DEK: variants seen among roughly 807,000 people sequenced by gnomAD.
DEK encodes protein DEK.
In DEK, 28 loss-of-function variants were observed where a neutral mutation model predicts 46.8. The observed-to-expected ratio is 0.60, with a 90% CI of 0.44 to 0.82. The LOEUF (loss-of-function observed/expected upper bound fraction) is 0.82. DEK is among the 40% of genes least tolerant of loss of function. DEK has a pLI of 0.00. For missense variants in DEK, 416 were observed against 430.6 expected (o/e 0.97, Z 0.30); for synonymous variants, 160 against 144.5 (o/e 1.11, Z -0.77).
chr6:18,248,325 C>T (rs1030646869), intron 7 of DEK, among the ~76,000 whole-genome samples: 2 of 152,110 alleles, frequency 1.3e-5, no homozygotes, highest in East Asian at 1.9e-4. Flanking sequence ...GATAATGTTT[C>T]GTGCTTTAAC....
chr6:18,236,820 T>C (rs1228139753), intron 8 of DEK, among the ~76,000 whole-genome samples: 1 of 152,174 alleles, frequency 6.6e-6, no homozygotes, highest in Admixed American at 6.5e-5. Context: ...TAGGCATCCC[T>C]AATCCAAAAA....
intron 9 of DEK, among the ~76,000 whole-genome samples, chr6:18,232,498 T>C (rs913415144): frequency 6.6e-6 from 1 of 152,190 alleles, no homozygotes; most frequent in African/African-American, 2.4e-5. Context: ...CTTAAGCTGA[T>C]AAGCAACTTC....
At chr6:18,236,121 G>C (rs975369605) in intron 9 of DEK, among the ~76,000 whole-genome samples, 5 of 152,144 alleles carry the variant, frequency 3.3e-5, no homozygotes, top group African/African-American at 4.8e-5. Context: ...ATGAGATTCT[G>C]CTTCTTTAAA....
chr6:18,236,460 A>C lies in DEK; in HGVS notation c.1039T>G (p.Cys347Gly). ...AACATTTGTCTAATTACCTTTTTGC[A>C]AATCTGTTTCATTGTGACTTCTTCC... ...NLEEVTMKQI[C>G]KKVYENYPTY... The change falls in exon 9 of 11, where the codon TGC (cysteine) becomes GGC (glycine). Residue 347 changes from cysteine to glycine, a missense_variant. Cys to Gly is a radical substitution (Grantham distance 159). Transcript: ENST00000652689. 1 of 1,610,524 alleles carries C rather than the reference A, an allele frequency of 6.2e-7. No homozygotes were observed. Among genetic ancestry groups the C allele is most frequent in the Non-Finnish European group, 8.5e-7 (1 of 1,178,918 alleles).
chr6:18,261,458 G>C (rs190531311), intron 2 of DEK, among the ~76,000 whole-genome samples: 66 of 152,250 alleles, frequency 4.3e-4, no homozygotes, highest in African/African-American at 1.6e-3. Flanking sequence ...TGTAATCCCA[G>C]CTACTCGAGA....
chr6:18,257,930 T>C, intron 4 of DEK, 23 bp downstream of exon 4: 1 of 1,526,246 alleles, frequency 6.6e-7, no homozygotes, highest in South Asian at 1.2e-5. Context: ...TACAAGTAGG[T>C]TTAAAGTGTA....
intron 8 of DEK, among the ~76,000 whole-genome samples, chr6:18,236,839 C>CAAAATTT (rs1376252342): frequency 6.6e-6 from 1 of 152,096 alleles, no homozygotes; most frequent in Non-Finnish European, 1.5e-5. Context: ...AATCCAAAAC[C>CAAAATTT]TGAAATGTTC....
At chr6:18,259,427 A>ATAAAT (rs1328288893) in intron 2 of DEK, among the ~76,000 whole-genome samples, 1 of 138,376 alleles carries the variant, frequency 7.2e-6, no homozygotes, top group Non-Finnish European at 1.6e-5. Context: ...AAAAAAAAAA[A>ATAAAT]AAAAAATCTA....
chr6:18,246,216 T>A (rs1425839598), intron 7 of DEK, among the ~76,000 whole-genome samples: 4 of 152,208 alleles, frequency 2.6e-5, no homozygotes, highest in Admixed American at 6.5e-5. Context: ...CTGTTTATTT[T>A]CCTATTTCTC....
intron 7 of DEK, among the ~76,000 whole-genome samples, chr6:18,246,084 G>A (rs370816588): frequency 7.9e-4 from 121 of 152,274 alleles, no homozygotes; most frequent in African/African-American, 2.8e-3. Flanking sequence ...ACTCAGTCTT[G>A]GGTATGTCTT....
intron 2 of DEK, 131 bp downstream of exon 2, chr6:18,263,712 C>T (rs1226328769): frequency 1.9e-6 from 3 of 1,579,996 alleles, no homozygotes; most frequent in Non-Finnish European, 8.6e-7. Context: ...ATTGTGCACA[C>T]ATTCTCGCTG....
chr6:18,254,864 T>C (rs1791536872), intron 6 of DEK, among the ~76,000 whole-genome samples: 1 of 152,166 alleles, frequency 6.6e-6, no homozygotes, highest in Non-Finnish European at 1.5e-5. Context: ...ATAACAAAAG[T>C]TTACACTTTA....
chr6:18,259,394 CAAAAAAAAAAAAAAAAAAAAAAA>C lies in DEK; in HGVS notation c.146-1012_146-990del, dbSNP rs56704006. 5.6e-3 allele frequency among the ~76,000 whole-genome samples: 232 copies of C among 41,486 alleles called. 2 individuals are homozygous for C. Among genetic ancestry groups the C allele is most frequent in the African/African-American group, 0.015 (215 of 13,872 alleles). The allele number at this position is 41,486 out of a possible 152,430, so 27.2% of individuals were successfully genotyped here. A position where few individuals can be genotyped will look rare whatever the true frequency, so the allele number is the denominator to read the frequency against. On this transcript the variant is annotated intron_variant, in intron 2 of 10. Coordinates refer to ENST00000652689, the MANE Select transcript of DEK (RefSeq NM_003472.4). The stretch of plus-strand genomic sequence containing the variant: ...TGGGCGACACAGCAAGACTCCGTCT[CAAAAAAAAAAAAAAAAAAAAAAA>C]AAAAAAAAAAAAAAAATCTAGAAAA...
At chr6:18,259,689 G>C (rs375527827) in intron 2 of DEK, among the ~76,000 whole-genome samples, 1 of 152,166 alleles carries the variant, frequency 6.6e-6, no homozygotes, top group East Asian at 1.9e-4. Context: ...CAATATAAAA[G>C]ATAACAAAAC....
chr6:18,256,694 G>A (rs1391737025), intron 4 of DEK, among the ~76,000 whole-genome samples: 1 of 152,102 alleles, frequency 6.6e-6, no homozygotes, highest in Non-Finnish European at 1.5e-5. Context: ...TTAAGTCTCT[G>A]AAAAGAACAA....
chr6:18,236,609 A>G lies in DEK; in HGVS notation c.899-9T>C, dbSNP rs1790659450. The G allele has an allele frequency of 7.1e-7, 1 of 1,403,714 alleles. No individual in the cohort carries two copies. Among genetic ancestry groups the G allele is most frequent in the Admixed American group, 2.7e-5 (1 of 37,730 alleles). 87.0% of individuals were successfully genotyped at this position (1,403,714 alleles called of 1,614,324 possible). On this transcript the variant is annotated splice_polypyrimidine_tract_variant and intron_variant, in intron 8 of 10. Coordinates refer to ENST00000652689, the MANE Select transcript of DEK (RefSeq NM_003472.4). Reference sequence around the variant, plus strand: ...ATCCTCAGACTCACTTTCTAAAAGTAATATAATAATAATAATTTTTCTTAC... The same window carrying G: ...ATCCTCAGACTCACTTTCTAAAAGTGATATAATAATAATAATTTTTCTTAC...
At chr6:18,242,375 G>T (rs563856666) in intron 7 of DEK, among the ~76,000 whole-genome samples, 5 of 152,276 alleles carry the variant, frequency 3.3e-5, no homozygotes, top group Admixed American at 6.5e-5. Flanking sequence ...AAAGAAGAAA[G>T]AATAATACGG....
intron 7 of DEK, among the ~76,000 whole-genome samples, chr6:18,248,140 C>G (rs1235722863): frequency 6.6e-6 from 1 of 152,044 alleles, no homozygotes; most frequent in African/African-American, 2.4e-5. Context: ...TTAATATGAC[C>G]CTATGAGGCT....
Position 18,263,862 on chromosome 6 carries a change from C to CG in DEK, c.125_126insC (p.Glu42AspfsTer49), listed in dbSNP as rs1791983703. 44 of 1,612,594 alleles carry CG rather than the reference C, an allele frequency of 2.7e-5. 1 individual carries two copies. Among genetic ancestry groups the CG allele is most frequent in the Non-Finnish European group, 3.7e-5 (44 of 1,179,350 alleles). ...CCCCACCTTTTTCCTCCTCCTCCTC[C>CG]TCCTCGTCGTCCTCGTCCTCTTCCT... On this transcript the variant is annotated frameshift_variant, in exon 2 of 11. Coordinates refer to ENST00000652689, the MANE Select transcript of DEK (RefSeq NM_003472.4). LOFTEE classifies it high-confidence loss of function.
Sources: gnomAD v4.1 joint callset for allele counts (sites outside exome capture counted in the v4.1 genomes callset) on GRCh38, gnomAD v4.1.1 for gene constraint, MANE v1.5 for transcripts, NCBI Gene and HGNC (gene_info 2026-07-23, HGNC 2026-07-21) for gene names.